NAALADL2: variants seen among roughly 807,000 people sequenced by gnomAD.
NAALADL2 encodes the protein N-acetylated alpha-linked acidic dipeptidase like 2.
In NAALADL2, 76 loss-of-function variants were observed where a neutral mutation model predicts 87.2. The observed-to-expected ratio is 0.87, with a 90% confidence interval of 0.72 to 1.05. NAALADL2 has a LOEUF of 1.05. Ranked by LOEUF, NAALADL2 falls within the 50% of genes least tolerant of loss-of-function variation. The probability of loss-of-function intolerance (pLI) is 0.00; values close to 1 mark genes in which losing one functional copy is unlikely to be tolerated. For missense variants in NAALADL2, 1,089 were observed against 945.8 expected (o/e 1.15, Z -1.99); for synonymous variants, 354 against 331.0 (o/e 1.07, Z -0.75).
intron 1 of NAALADL2, among the ~76,000 whole-genome samples, chr3:174,481,027 C>T (rs112070037): frequency 3.8e-4 from 58 of 152,100 alleles, no homozygotes; most frequent in African/African-American, 1.2e-3. Flanking sequence ...TATTCTCCAG[C>T]CAGTGAGCCT....
intron 3 of NAALADL2, among the ~76,000 whole-genome samples, chr3:174,831,991 TTCTC>T (rs1232649900): frequency 1.3e-5 from 2 of 152,060 alleles, no homozygotes; most frequent in East Asian, 1.9e-4. Flanking sequence ...TATTTGATTC[TTCTC>T]TCTTTTTTTC....
At chr3:174,747,643 A>G (rs1734394178) in intron 3 of NAALADL2, among the ~76,000 whole-genome samples, 4 of 150,896 alleles carry the variant, frequency 2.7e-5, no homozygotes, top group Non-Finnish European at 5.9e-5. Context: ...AAAAAAAAAA[A>G]AAAGAAAGTC....
intron 11 of NAALADL2, chr3:175,655,501 A>T: frequency 2.5e-6 from 1 of 394,854 alleles, no homozygotes; most frequent in East Asian, 8.6e-5. Flanking sequence ...ACATGCTTTC[A>T]TAGTCTTGGA....
chr3:175,700,934 G>A (rs1024402137), intron 11 of NAALADL2, among the ~76,000 whole-genome samples: 2 of 152,100 alleles, frequency 1.3e-5, no homozygotes, highest in African/African-American at 4.8e-5. Context: ...GAAAATTTTA[G>A]GATGCTCTAG....
intron 9 of NAALADL2, among the ~76,000 whole-genome samples, chr3:175,539,749 A>G (rs888663911): frequency 6.6e-6 from 1 of 152,176 alleles, no homozygotes; most frequent in Non-Finnish European, 1.5e-5. Context: ...GGACTGAGCA[A>G]TTTTGAGATA....
intron 5 of NAALADL2, among the ~76,000 whole-genome samples, chr3:175,361,474 G>A (rs1235077864): frequency 6.8e-6 from 1 of 148,050 alleles, no homozygotes; most frequent in Non-Finnish European, 1.5e-5. Context: ...CTAGTTTACA[G>A]TCCCACCAAC....
intron 1 of NAALADL2, among the ~76,000 whole-genome samples, chr3:174,874,692 A>G (rs537361687): frequency 6.6e-6 from 1 of 152,258 alleles, no homozygotes; most frequent in East Asian, 1.9e-4. Context: ...AATTCAAGGT[A>G]TATTTTTTTT....
At chr3:175,092,498 T>G (rs985003152) in intron 1 of NAALADL2, among the ~76,000 whole-genome samples, 2 of 151,856 alleles carry the variant, frequency 1.3e-5, no homozygotes, top group Non-Finnish European at 2.9e-5. Flanking sequence ...TGCCAGACAC[T>G]GTGTTAGGCT....
At chr3:174,859,797 C>A (rs1383682510) in intron 1 of NAALADL2, among the ~76,000 whole-genome samples, 3 of 151,960 alleles carry the variant, frequency 2.0e-5, no homozygotes, top group Non-Finnish European at 4.4e-5. Context: ...GGACCTTTTC[C>A]AACATTAACA....
At chr3:175,090,169 G>T (rs1246481679) in intron 1 of NAALADL2, among the ~76,000 whole-genome samples, 1 of 152,018 alleles carries the variant, frequency 6.6e-6, no homozygotes, top group Non-Finnish European at 1.5e-5. Context: ...GAAAAAAGGA[G>T]CCCATGGCAG....
chr3:174,948,522 A>G (rs1010965483), intron 1 of NAALADL2, among the ~76,000 whole-genome samples: 3 of 152,160 alleles, frequency 2.0e-5, no homozygotes, highest in African/African-American at 7.2e-5. Context: ...ATGTCACTAA[A>G]GATAACTTTT....
chr3:174,665,939 A>T (rs1725917908), intron 2 of NAALADL2, among the ~76,000 whole-genome samples: 1 of 152,090 alleles, frequency 6.6e-6, no homozygotes, highest in African/African-American at 2.4e-5. Flanking sequence ...CTGTGTCTGA[A>T]TTTTATTTTC....
At chr3:174,555,388 C>G (rs1197504189) in intron 2 of NAALADL2, among the ~76,000 whole-genome samples, 1 of 152,180 alleles carries the variant, frequency 6.6e-6, no homozygotes, top group Non-Finnish European at 1.5e-5. Context: ...CAACCTCCGC[C>G]TCCTGGATTC....
chr3:174,733,135 G>T (rs879711862), intron 2 of NAALADL2, among the ~76,000 whole-genome samples: 1 of 152,060 alleles, frequency 6.6e-6, no homozygotes, highest in Non-Finnish European at 1.5e-5. Flanking sequence ...ATATCAAGTG[G>T]GAGCTAGTGG....
chr3:175,509,321 T>C (rs1730808049), intron 9 of NAALADL2, among the ~76,000 whole-genome samples: 1 of 152,158 alleles, frequency 6.6e-6, no homozygotes, highest in Non-Finnish European at 1.5e-5. Flanking sequence ...ACCATCAGAC[T>C]TGCATGAGTA....
At chr3:174,787,128 C>T (rs368275747) in intron 3 of NAALADL2, among the ~76,000 whole-genome samples, 1 of 151,748 alleles carries the variant, frequency 6.6e-6, no homozygotes, top group Non-Finnish European at 1.5e-5. Context: ...AGTGAAATGA[C>T]CCATTTTATG....
chr3:174,876,805 T>C (rs766054533), intron 1 of NAALADL2, among the ~76,000 whole-genome samples: 2 of 152,184 alleles, frequency 1.3e-5, no homozygotes, highest in Non-Finnish European at 2.9e-5. Flanking sequence ...CTTGTGTTCT[T>C]AGTTGGCTTG....
chr3:174,536,999 C>T (rs1203203595), intron 1 of NAALADL2, among the ~76,000 whole-genome samples: 1 of 152,056 alleles, frequency 6.6e-6, no homozygotes, highest in Non-Finnish European at 1.5e-5. Flanking sequence ...AAGAACTGAA[C>T]AAGTGTCTAA....
intron 5 of NAALADL2, among the ~76,000 whole-genome samples, chr3:175,353,576 A>G (rs1238622937): frequency 6.6e-6 from 1 of 152,218 alleles, no homozygotes; most frequent in Admixed American, 6.6e-5. Context: ...AGGAGACCAA[A>G]TAATATAGCT....
Sources: gnomAD v4.1 joint callset for allele counts (sites outside exome capture counted in the v4.1 genomes callset) on GRCh38, gnomAD v4.1.1 for gene constraint, MANE v1.5 for transcripts, NCBI Gene and HGNC (gene_info 2026-07-23, HGNC 2026-07-21) for gene names.